ZFHX4: variants seen among roughly 807,000 people sequenced by gnomAD.
The protein encoded by ZFHX4 is zinc finger homeobox protein 4.
In ZFHX4, 56 loss-of-function variants were observed where a neutral mutation model predicts 267.6. The observed-to-expected ratio is 0.21, with a 90% CI of 0.17 to 0.26. The LOEUF (loss-of-function observed/expected upper bound fraction) is 0.26. ZFHX4 is among the 10% of genes least tolerant of loss of function. The pLI is 1.00. For synonymous variants in ZFHX4, 1,778 were observed against 1,665.6 expected, an observed-to-expected ratio of 1.07 and a Z score of -1.64; for missense variants, 4,332 against 4,420.0, an observed-to-expected ratio of 0.98 and a Z score of 0.56.
chr8:76,763,547 A>G (rs1325958167), intron 3 of ZFHX4, among the ~76,000 whole-genome samples: 1 of 151,982 alleles, frequency 6.6e-6, no homozygotes, highest in Non-Finnish European at 1.5e-5. Flanking sequence ...CACTTGAGAC[A>G]AGGAAGTTGA....
At position 76,851,766 on chromosome 8, in the gene ZFHX4, G is replaced by A. The variant is rs776995625; in HGVS notation, c.4845G>A (p.Val1615=). The change falls in exon 10 of 11, where the codon GTG becomes GTA. Residue 1615 remains valine, a synonymous_variant. Transcript: ENST00000651372. Reference sequence around the variant, plus strand: ...CATTGGAAATCCACATGAGGTCTGTGCTCCACCAGACAAAGGCTAGGGCTG... The same window carrying A: ...CATTGGAAATCCACATGAGGTCTGTACTCCACCAGACAAAGGCTAGGGCTG... ...SSTLEIHMRS[V]LHQTKARAAK... is the part of the protein sequence containing the mutation. The A allele has an allele frequency of 6.2e-7, 1 of 1,613,848 alleles. No individual in the cohort carries two copies. The highest frequency in any genetic ancestry group is 8.5e-7 in the Non-Finnish European group (1 of 1,179,902).
chr8:76,711,427 T>C (rs187550838), intron 3 of ZFHX4, among the ~76,000 whole-genome samples: 1 of 152,290 alleles, frequency 6.6e-6, no homozygotes, highest in Non-Finnish European at 1.5e-5. Flanking sequence ...GTGAGATTAA[T>C]AAATACAAAA....
At chr8:76,734,839 T>C (rs905222465) in intron 3 of ZFHX4, among the ~76,000 whole-genome samples, 1 of 152,182 alleles carries the variant, frequency 6.6e-6, no homozygotes, top group Admixed American at 6.6e-5. Flanking sequence ...ATTTTAGTCT[T>C]CAGTGCACTG....
At chr8:76,694,665 GC>G (rs1298882726) in intron 1 of ZFHX4, among the ~76,000 whole-genome samples, 2 of 47,872 alleles carry the variant, frequency 4.2e-5, no homozygotes, top group African/African-American at 1.8e-4. Context: ...TCCTGCACCC[GC>G]CCCCCACCCT....
At chr8:76,757,147 G>A (rs572080051) in intron 3 of ZFHX4, among the ~76,000 whole-genome samples, 23 of 152,220 alleles carry the variant, frequency 1.5e-4, no homozygotes, top group Admixed American at 2.6e-4. Context: ...AGAGGCACGA[G>A]GTTGGGCACA....
chr8:76,780,693 T>C (rs1385438239), intron 4 of ZFHX4, among the ~76,000 whole-genome samples: 1 of 152,134 alleles, frequency 6.6e-6, no homozygotes, highest in African/African-American at 2.4e-5. Flanking sequence ...AGGATAGATA[T>C]TATGAGTTTA....
chr8:76,777,812 A>G (rs2131770650), intron 3 of ZFHX4, among the ~76,000 whole-genome samples: 1 of 150,544 alleles, frequency 6.6e-6, no homozygotes, highest in African/African-American at 2.4e-5. Flanking sequence ...TACCTCATTC[A>G]TGTCAACCTA....
intron 4 of ZFHX4, among the ~76,000 whole-genome samples, chr8:76,819,673 A>C (rs993673350): frequency 6.6e-6 from 1 of 152,214 alleles, no homozygotes; most frequent in South Asian, 2.1e-4. Context: ...GCACCAGCTT[A>C]TAAGTATTGT....
At chr8:76,692,198 T>G (rs1807843049) in intron 1 of ZFHX4, among the ~76,000 whole-genome samples, 1 of 152,102 alleles carries the variant, frequency 6.6e-6, no homozygotes, top group African/African-American at 2.4e-5. Context: ...AATTCAGACC[T>G]TAGTCTATCC....
intron 3 of ZFHX4, among the ~76,000 whole-genome samples, chr8:76,709,886 G>T (rs1808380180): frequency 1.3e-5 from 2 of 151,504 alleles, no homozygotes; most frequent in Non-Finnish European, 2.9e-5. Context: ...TCTCTTCAGG[G>T]CAATTTGCTT....
chr8:76,787,979 A>C (rs528504719), intron 4 of ZFHX4, among the ~76,000 whole-genome samples: 1 of 152,138 alleles, frequency 6.6e-6, no homozygotes, highest in African/African-American at 2.4e-5. Flanking sequence ...AAGCCCAATT[A>C]TTCCTCAGAG....
intron 3 of ZFHX4, among the ~76,000 whole-genome samples, chr8:76,767,052 T>A (rs1350044414): frequency 6.6e-6 from 1 of 151,624 alleles, no homozygotes; most frequent in African/African-American, 2.4e-5. Context: ...GGGGTGTGTG[T>A]GTGTGTGTGT....
chr8:76,717,467 A>G (rs1473286555), intron 3 of ZFHX4, among the ~76,000 whole-genome samples: 1 of 152,242 alleles, frequency 6.6e-6, no homozygotes, highest in Admixed American at 6.5e-5. Flanking sequence ...GCAGTTGACC[A>G]CATCTATTAA....
chr8:76,790,894 T>G (rs1479586931), intron 4 of ZFHX4, among the ~76,000 whole-genome samples: 1 of 152,156 alleles, frequency 6.6e-6, no homozygotes, highest in Non-Finnish European at 1.5e-5. Flanking sequence ...CACTGAAGGA[T>G]GGATTACTGA....
At chr8:76,731,663 C>T (rs963660956) in intron 3 of ZFHX4, among the ~76,000 whole-genome samples, 2 of 151,780 alleles carry the variant, frequency 1.3e-5, no homozygotes, top group African/African-American at 4.8e-5. Context: ...TAAATAAGTC[C>T]ATTGTTTCAC....
intron 3 of ZFHX4, among the ~76,000 whole-genome samples, chr8:76,729,194 C>A (rs1220894048): frequency 6.6e-6 from 1 of 151,956 alleles, no homozygotes; most frequent in Non-Finnish European, 1.5e-5. Context: ...TCCATATTCC[C>A]CACCCTATAG....
chr8:76,840,798 A>T (rs568737731), intron 5 of ZFHX4, among the ~76,000 whole-genome samples: 1 of 152,256 alleles, frequency 6.6e-6, no homozygotes, highest in African/African-American at 2.4e-5. Flanking sequence ...ATCATGTCAC[A>T]TGTGTGGACT....
At chr8:76,829,887 T>C (rs1811888782) in intron 4 of ZFHX4, among the ~76,000 whole-genome samples, 1 of 152,134 alleles carries the variant, frequency 6.6e-6, no homozygotes, top group South Asian at 2.1e-4. Flanking sequence ...TGGGTTACGC[T>C]AAAGAAATAG....
chr8:76,847,333 T>C (rs1042395486), intron 6 of ZFHX4, among the ~76,000 whole-genome samples: 6 of 152,154 alleles, frequency 3.9e-5, no homozygotes, highest in African/African-American at 1.4e-4. Flanking sequence ...TACTTGGGCA[T>C]TTTTAAATCA....
Sources: allele counts gnomAD v4.1 joint callset (sites outside exome capture counted in the v4.1 genomes callset), GRCh38; gene constraint gnomAD v4.1.1; transcripts MANE v1.5; gene names NCBI Gene and HGNC (gene_info 2026-07-23, HGNC 2026-07-21).